DPY30: variants seen among roughly 807,000 people sequenced by gnomAD.
DPY30 encodes protein dpy-30 homolog.
Under a neutral mutation model 16.2 loss-of-function variants are expected in DPY30, and 6 were observed. That is an observed-to-expected ratio of 0.37 (90% CI 0.20 to 0.73). The LOEUF is 0.73. Among genes scored for constraint, DPY30 ranks in the 30% least tolerant of loss-of-function variants. The pLI, the probability that DPY30 is intolerant of heterozygous loss-of-function variation, is 0.51. For missense variants in DPY30, 73 were observed against 113.1 expected (o/e 0.65, Z 1.61); for synonymous variants, 39 against 38.8 (o/e 1.00, Z -0.02).
intron 4 of DPY30, among the ~76,000 whole-genome samples, chr2:32,028,776 C>T (rs1191001694): frequency 1.3e-5 from 2 of 151,346 alleles, no homozygotes; most frequent in Non-Finnish European, 2.9e-5. Flanking sequence ...GGCGACAGAG[C>T]GAGACTCCAA....
intron 3 of DPY30, among the ~76,000 whole-genome samples, chr2:32,031,922 GAA>G (rs939450888): frequency 1.2e-4 from 17 of 142,726 alleles, no homozygotes; most frequent in African/African-American, 3.9e-4. Flanking sequence ...ATAAAAAAAT[GAA>G]AGAGACAAAA....
At chr2:32,030,352 C>G (rs995744359) in intron 3 of DPY30, among the ~76,000 whole-genome samples, 4 of 152,098 alleles carry the variant, frequency 2.6e-5, no homozygotes, top group African/African-American at 9.7e-5. Context: ...AAAATCAGGC[C>G]TGGCGCAGGG....
downstream of DPY30, among the ~76,000 whole-genome samples, chr2:32,022,630 G>A (rs1013191231): frequency 2.0e-5 from 3 of 151,594 alleles, no homozygotes; most frequent in African/African-American, 4.9e-5. Context: ...CAAGTCTTCT[G>A]CCTGAGCCTC....
At chr2:32,028,577 C>G (rs1398735389) in intron 4 of DPY30, among the ~76,000 whole-genome samples, 2 of 152,038 alleles carry the variant, frequency 1.3e-5, no homozygotes, top group Non-Finnish European at 2.9e-5. Flanking sequence ...CCGAGATGGG[C>G]GGATCACAAG....
At chr2:32,032,696 TTTTTAAAAGAATAA>T (rs1310902146) in intron 3 of DPY30, among the ~76,000 whole-genome samples, 1 of 152,094 alleles carries the variant, frequency 6.6e-6, no homozygotes, top group African/African-American at 2.4e-5. Flanking sequence ...CCTGTTACCA[TTTTTAAAAGAATAA>T]TTTTAGGCCG....
chr2:32,012,827 G>C (rs1395292284), intron 5 of DPY30, among the ~76,000 whole-genome samples: 2 of 152,292 alleles, frequency 1.3e-5, no homozygotes, highest in African/African-American at 2.4e-5. Context: ...AGTGATCATT[G>C]ATAAAATGGT....
intron 3 of DPY30, among the ~76,000 whole-genome samples, chr2:32,034,584 T>C (rs959932623): frequency 2.0e-5 from 3 of 151,870 alleles, no homozygotes; most frequent in Admixed American, 2.0e-4. Flanking sequence ...ACACTGGGGG[T>C]CACATTTCAA....
downstream of DPY30, chr2:32,011,882 GTTTC>G (rs1320155526): frequency 6.6e-6 from 1 of 152,204 alleles, no homozygotes; most frequent in Non-Finnish European, 1.5e-5. Flanking sequence ...AGGAGACCCT[GTTTC>G]TATGAATTTT....
intron 3 of DPY30, among the ~76,000 whole-genome samples, chr2:32,038,455 T>C (rs1429709925): frequency 6.9e-6 from 1 of 145,950 alleles, no homozygotes; most frequent in Middle Eastern, 3.3e-3. Flanking sequence ...GGTCACATGC[T>C]GACACCCAGG....
At chr2:32,035,686 C>A (rs951243153) in intron 3 of DPY30, among the ~76,000 whole-genome samples, 19 of 151,810 alleles carry the variant, frequency 1.3e-4, no homozygotes, top group Admixed American at 1.2e-3. Context: ...GTAATCCCAG[C>A]ACTTTGGGAG....
chr2:32,014,839 G>A (rs1675033140), intron 5 of DPY30, among the ~76,000 whole-genome samples: 1 of 151,850 alleles, frequency 6.6e-6, no homozygotes, highest in Non-Finnish European at 1.5e-5. Context: ...TACTAGTATG[G>A]AAAGAGTTTC....
chr2:32,031,936 A>T (rs1675560379), intron 3 of DPY30, among the ~76,000 whole-genome samples: 2 of 152,080 alleles, frequency 1.3e-5, no homozygotes, highest in African/African-American at 4.8e-5. Flanking sequence ...GAGACAAAAA[A>T]AAAAGAAGAA....
Position 32,036,410 on chromosome 2 carries a change from G to A in DPY30, c.84+2869C>T, listed in dbSNP as rs188565136. ...AAACTGGCTGGGCGCGGTGGCTCACGCCTGTAATCCCAGCACTTTGGGAGG... is the reference window on the plus strand; with the variant it reads ...AAACTGGCTGGGCGCGGTGGCTCACACCTGTAATCCCAGCACTTTGGGAGG... On this transcript the variant is annotated intron_variant, in intron 3 of 4. Transcript: ENST00000342166. Among the ~76,000 whole-genome samples, 39 of 152,136 alleles carry A rather than the reference G, an allele frequency of 2.6e-4. No individual in the cohort carries two copies. The East Asian group carries it at 5.8e-3, about 23-fold the overall frequency.
chr2:32,038,679 T>TG (rs1489040808), intron 3 of DPY30, among the ~76,000 whole-genome samples: 8 of 137,572 alleles, frequency 5.8e-5, no homozygotes, highest in Admixed American at 8.1e-5. Context: ...AGACGGAGTC[T>TG]CACTCTGCCG....
At chr2:32,018,847 T>C (rs1352300894) in intron 5 of DPY30, among the ~76,000 whole-genome samples, 7 of 151,696 alleles carry the variant, frequency 4.6e-5, no homozygotes, top group Non-Finnish European at 1.0e-4. Context: ...GGTGAAATCC[T>C]GTCTCTATGA....
At position 32,024,113 on chromosome 2, in the gene DPY30, G is replaced by T; in HGVS notation, c.*71C>A. ...ACATCCAAAAAGAGGGAATGATCAT[G>T]GCAATTAAAGCTGCCTCTTAATCAT... On this transcript the variant is annotated 3_prime_UTR_variant, in exon 5 of 5. Coordinates refer to ENST00000342166, the MANE Select transcript of DPY30 (RefSeq NM_001321209.2). 6.4e-7 allele frequency: 1 copy of T among 1,564,788 alleles called. No individual in the cohort carries two copies. The highest frequency in any genetic ancestry group is 1.2e-5 in the South Asian group (1 of 84,886).
Position 32,038,460 on chromosome 2 carries a change from C to T in DPY30, c.84+819G>A, listed in dbSNP as rs1573010504. ...ATAGGGACAGGGTCACATGCTGACACCCAGGCTGGAGCGCAGTGGTGCGAT... is the reference window on the plus strand; with the variant it reads ...ATAGGGACAGGGTCACATGCTGACATCCAGGCTGGAGCGCAGTGGTGCGAT... On this transcript the variant is annotated intron_variant, in intron 3 of 4. Transcript: ENST00000342166. Among the ~76,000 whole-genome samples the T allele has an allele frequency of 3.3e-5, 5 of 150,128 alleles. No individual in the cohort carries two copies. The South Asian group carries it at 1.1e-3, about 32-fold the overall frequency.
intron 5 of DPY30, among the ~76,000 whole-genome samples, chr2:32,018,730 A>G (rs1675109240): frequency 6.6e-6 from 1 of 152,060 alleles, no homozygotes; most frequent in Non-Finnish European, 1.5e-5. Context: ...AAAAAAAAAA[A>G]TGTTTACAGC....
rs1345935787 is a variant in DPY30, at chr2:32,024,094, A to C, written c.*90T>G. On this transcript the variant is annotated 3_prime_UTR_variant, in exon 5 of 5. Transcript: ENST00000342166. ...TTGTCCGGAAGGTTCTTATACATCC[A>C]AAAAGAGGGAATGATCATGGCAATT... The C allele has an allele frequency of 9.1e-6, 14 of 1,541,256 alleles. No homozygotes were observed. The highest frequency in any genetic ancestry group is 1.2e-5 in the Non-Finnish European group (14 of 1,146,802).
Sources: allele counts gnomAD v4.1 joint callset (sites outside exome capture counted in the v4.1 genomes callset), GRCh38; gene constraint gnomAD v4.1.1; transcripts MANE v1.5; gene names NCBI Gene and HGNC (gene_info 2026-07-23, HGNC 2026-07-21).